MRTFA: variants seen among roughly 807,000 people sequenced by gnomAD.
MRTFA encodes myocardin related transcription factor A, also known as myocardin-related transcription factor A.
In MRTFA, 20 loss-of-function variants were observed where a neutral mutation model predicts 83.5. The observed-to-expected ratio is 0.24, with a 90% CI of 0.17 to 0.35. MRTFA has a LOEUF of 0.35. MRTFA is among the 10% of genes least tolerant of loss of function. The pLI is 1.00. For synonymous variants in MRTFA, 659 were observed against 541.2 expected (o/e 1.22, Z -3.02); for missense variants, 1,200 against 1,224.7 (o/e 0.98, Z 0.30).
At chr22:40,592,296 T>C (rs2147379517) in intron 2 of MRTFA, among the ~76,000 whole-genome samples, 1 of 150,952 alleles carries the variant, frequency 6.6e-6, no homozygotes, top group African/African-American at 2.4e-5. Context: ...TTATTTTTTT[T>C]AATTAGCCAG....
chr22:40,628,364 T>C (rs1276287793), intron 1 of MRTFA, among the ~76,000 whole-genome samples: 2 of 152,158 alleles, frequency 1.3e-5, no homozygotes, highest in Non-Finnish European at 2.9e-5. Flanking sequence ...GTTCAGAACT[T>C]TGTTTGAATT....
chr22:40,545,891 G>A (rs915765702), intron 3 of MRTFA, among the ~76,000 whole-genome samples: 4 of 147,458 alleles, frequency 2.7e-5, no homozygotes, highest in Non-Finnish European at 6.0e-5. Flanking sequence ...CCGCCATCAC[G>A]CCCAGCTAAT....
chr22:40,431,989 T>C (rs898440046), intron 5 of MRTFA, among the ~76,000 whole-genome samples: 12 of 152,164 alleles, frequency 7.9e-5, no homozygotes, highest in Non-Finnish European at 1.3e-4. Context: ...CTCAAGCCTG[T>C]AATCCCAGCA....
chr22:40,600,798 T>G (rs1035440527), intron 1 of MRTFA, among the ~76,000 whole-genome samples: 1 of 152,102 alleles, frequency 6.6e-6, no homozygotes, highest in African/African-American at 2.4e-5. Context: ...GCCAACGTAG[T>G]GAAACCCCGT....
intron 3 of MRTFA, among the ~76,000 whole-genome samples, chr22:40,472,055 T>C (rs748389089): frequency 1.5e-4 from 23 of 152,084 alleles, no homozygotes; most frequent in Admixed American, 4.6e-4. Flanking sequence ...ACAAAATTCC[T>C]CAACAAAATA....
intron 1 of MRTFA, among the ~76,000 whole-genome samples, chr22:40,629,450 C>T (rs2056617073): frequency 1.5e-5 from 2 of 131,626 alleles, no homozygotes; most frequent in Non-Finnish European, 3.3e-5. Flanking sequence ...CGTCTCAAAA[C>T]ATAATTAAAA....
At chr22:40,484,351 AATC>A (rs1326874900) in intron 3 of MRTFA, among the ~76,000 whole-genome samples, 1 of 152,170 alleles carries the variant, frequency 6.6e-6, no homozygotes, top group Non-Finnish European at 1.5e-5. Context: ...AAAAGCTACA[AATC>A]AGCTAAACTT....
chr22:40,411,728 T>C lies in MRTFA; in HGVS notation c.2758A>G (p.Ser920Gly). 6.4e-7 allele frequency: 1 copy of C among 1,560,532 alleles called. No individual in the cohort carries two copies. Among genetic ancestry groups the C allele is most frequent in the Non-Finnish European group, 8.7e-7 (1 of 1,147,320 alleles). Residue 920 changes from serine (S) to glycine (G), a missense_variant, in exon 15 of 15, where the codon AGC becomes GGC. By Grantham distance (56) the Ser-to-Gly change is moderately conservative. Transcript: ENST00000355630. ...GTCAGCAGGGGCAGCCCCGTGCTGC[T>C]CTCCAGGAAGTCCTCCAGGCGTCCA...
chr22:40,546,503 G>C (rs1415019434), intron 3 of MRTFA, among the ~76,000 whole-genome samples: 1 of 152,212 alleles, frequency 6.6e-6, no homozygotes, highest in Admixed American at 6.5e-5. Context: ...GTAGCATAAA[G>C]ACTAAAGAGG....
At chr22:40,496,236 T>C (rs994848330) in intron 3 of MRTFA, among the ~76,000 whole-genome samples, 1 of 152,138 alleles carries the variant, frequency 6.6e-6, no homozygotes, top group African/African-American at 2.4e-5. Flanking sequence ...CAGTTTCACC[T>C]CAGATCCATA....
At chr22:40,412,933 C>G (rs1177247853) in intron 14 of MRTFA, 1 of 151,616 alleles carries the variant, frequency 6.6e-6, no homozygotes, top group African/African-American at 2.4e-5. Flanking sequence ...GTCAGGAGTT[C>G]GAGACCAGCC....
intron 11 of MRTFA, 67 bp downstream of exon 11, chr22:40,420,338 G>C: frequency 6.5e-7 from 1 of 1,546,702 alleles, no homozygotes; most frequent in Non-Finnish European, 8.8e-7. Flanking sequence ...CTAAAAACCA[G>C]CACCCAGACA....
chr22:40,498,956 T>C (rs947309172), intron 3 of MRTFA, among the ~76,000 whole-genome samples: 1 of 152,188 alleles, frequency 6.6e-6, no homozygotes, highest in South Asian at 2.1e-4. Context: ...AATCAATCAA[T>C]AATCAGTGTG....
chr22:40,492,867 T>C (rs1420519249), intron 3 of MRTFA, among the ~76,000 whole-genome samples: 2 of 152,184 alleles, frequency 1.3e-5, no homozygotes, highest in African/African-American at 4.8e-5. Context: ...AAAAAACAAA[T>C]GGACACTTCT....
intron 3 of MRTFA, among the ~76,000 whole-genome samples, chr22:40,535,184 T>A (rs1265463606): frequency 6.6e-6 from 1 of 152,042 alleles, no homozygotes; most frequent in African/African-American, 2.4e-5. Flanking sequence ...AACCAAATTT[T>A]CAAACTGACT....
intron 3 of MRTFA, among the ~76,000 whole-genome samples, chr22:40,525,431 A>G (rs1340160729): frequency 6.6e-6 from 1 of 151,948 alleles, no homozygotes; most frequent in Admixed American, 6.6e-5. Flanking sequence ...AGCCCGGGAG[A>G]CAGAGGTTAC....
At chr22:40,459,841 A>G (rs1289227266) in intron 4 of MRTFA, among the ~76,000 whole-genome samples, 1 of 136,450 alleles carries the variant, frequency 7.3e-6, no homozygotes, top group Non-Finnish European at 1.6e-5. Flanking sequence ...ATATATATAT[A>G]TATATATATA....
intron 3 of MRTFA, among the ~76,000 whole-genome samples, chr22:40,532,091 A>AT (rs1239504568): frequency 1.1e-4 from 16 of 152,214 alleles, no homozygotes; most frequent in African/African-American, 3.9e-4. Context: ...GGTCCAACAG[A>AT]TGGGTGGCTA....
At chr22:40,419,434 C>T in intron 11 of MRTFA, 50 bp from the exon 12 acceptor site, 1 of 1,567,062 alleles carries the variant, frequency 6.4e-7, no homozygotes, top group Non-Finnish European at 8.7e-7. Context: ...GGACACAGGG[C>T]ACTGGGTCCA....
Sources: allele counts gnomAD v4.1 joint callset (sites outside exome capture counted in the v4.1 genomes callset), GRCh38; gene constraint gnomAD v4.1.1; transcripts MANE v1.5; gene names NCBI Gene and HGNC (gene_info 2026-07-23, HGNC 2026-07-21).